ADAM10: variants seen among roughly 807,000 people sequenced by gnomAD.
ADAM10 encodes the protein ADAM metallopeptidase domain 10.
In ADAM10, 17 loss-of-function variants were observed where a neutral mutation model predicts 90.1. That is an observed-to-expected ratio of 0.19 (90% CI 0.13 to 0.28). The LOEUF (loss-of-function observed/expected upper bound fraction) is 0.28, where lower values mean the gene tolerates loss of function less well. ADAM10 is among the 10% of genes least tolerant of loss of function. ADAM10 has a pLI of 1.00. For synonymous variants in ADAM10, 310 were observed against 298.6 expected (o/e 1.04, Z -0.40); for missense variants, 610 against 914.3 (o/e 0.67, Z 4.29).
intron 11 of ADAM10, among the ~76,000 whole-genome samples, chr15:58,613,814 A>C (rs1440869136): frequency 6.6e-6 from 1 of 152,170 alleles, no homozygotes; most frequent in Non-Finnish European, 1.5e-5. Context: ...ATAAATTTTC[A>C]TATTATAAGA....
At position 58,599,595 on chromosome 15, in the gene ADAM10, T is replaced by C; in HGVS notation, c.2152+3A>G. 2 of 1,613,156 alleles carry C rather than the reference T, an allele frequency of 1.2e-6. No individual in the cohort carries two copies. The highest frequency in any genetic ancestry group is 1.7e-6 in the Non-Finnish European group (2 of 1,179,360). ...AATATGTATCTTGCTCAAATATTCTTACCTGGAAGTGGTTTAGGAGGAGGC... is the reference window on the plus strand; with the variant it reads ...AATATGTATCTTGCTCAAATATTCTCACCTGGAAGTGGTTTAGGAGGAGGC... On this transcript the variant is annotated splice_donor_region_variant and intron_variant, in intron 15 of 15. Coordinates refer to ENST00000260408, the MANE Select transcript of ADAM10 (RefSeq NM_001110.4).
intron 5 of ADAM10, among the ~76,000 whole-genome samples, chr15:58,647,553 C>T (rs147957003): frequency 1.0e-3 from 151 of 151,086 alleles, no homozygotes; most frequent in African/African-American, 3.2e-3. Context: ...GCCACCACCC[C>T]CGCCAAGTAT....
Position 58,683,859 on chromosome 15 carries a change from C to CAAAAAA in ADAM10, c.207-1551_207-1546dup, listed in dbSNP as rs71425819. Among the ~76,000 whole-genome samples, 410 of 66,958 alleles carry CAAAAAA rather than the reference C, an allele frequency of 6.1e-3. 1 individual carries two copies. The highest frequency in any genetic ancestry group is 0.014 in the East Asian group (47 of 3,406). 43.9% of individuals were successfully genotyped at this position (66,958 alleles called of 152,430 possible). ...TGGGTGACAAAGTGAGGCTCCATCTCAAAAAAAAAAAAAAAAAAAAAAAAG... is the reference window on the plus strand; with the variant it reads ...TGGGTGACAAAGTGAGGCTCCATCTCAAAAAAAAAAAAAAAAAAAAAAAAAAAAAAG... On this transcript the variant is annotated intron_variant, in intron 2 of 15. Coordinates refer to ENST00000260408, the MANE Select transcript of ADAM10 (RefSeq NM_001110.4).
chr15:58,606,485 C>T (rs16940589), intron 14 of ADAM10, among the ~76,000 whole-genome samples: 40,920 of 152,120 alleles, frequency 0.27, 7,386 homozygotes, highest in African/African-American at 0.5. Context: ...CTGCTTCATT[C>T]ATCTAGCAAA....
At chr15:58,663,483 G>T (rs1897015654) in intron 5 of ADAM10, among the ~76,000 whole-genome samples, 1 of 151,710 alleles carries the variant, frequency 6.6e-6, no homozygotes, top group African/African-American at 2.4e-5. Flanking sequence ...TACCTCCTAG[G>T]GTAAATCCCT....
chr15:58,686,359 C>A (rs1362760206), intron 2 of ADAM10: 8 of 743,410 alleles, frequency 1.1e-5, no homozygotes, highest in Non-Finnish European at 1.6e-5. Context: ...TCAAACCTAT[C>A]CTAATAAAGC....
chr15:58,602,249 A>G (rs150706846), intron 14 of ADAM10, among the ~76,000 whole-genome samples: 26 of 152,172 alleles, frequency 1.7e-4, no homozygotes, highest in Admixed American at 1.1e-3. Context: ...GAAGTTCCAG[A>G]TTTATCCTGT....
chr15:58,738,212 T>A (rs1273374014), intron 1 of ADAM10, among the ~76,000 whole-genome samples: 3 of 152,226 alleles, frequency 2.0e-5, no homozygotes. Flanking sequence ...ATTTCCTTCC[T>A]ACTGAGTCAT....
intron 2 of ADAM10, among the ~76,000 whole-genome samples, chr15:58,697,251 C>T (rs892954585): frequency 6.6e-6 from 1 of 152,172 alleles, no homozygotes; most frequent in Non-Finnish European, 1.5e-5. Flanking sequence ...GACAGACTAC[C>T]CTGCCCACAG....
At chr15:58,599,558 C>T in intron 15 of ADAM10, 40 bp downstream of exon 15, 4 of 1,605,810 alleles carry the variant, frequency 2.5e-6, no homozygotes, top group East Asian at 2.2e-5. Flanking sequence ...CTAAACAATT[C>T]TGAGTTACAT....
chr15:58,685,197 C>G (rs1394896534), intron 2 of ADAM10, among the ~76,000 whole-genome samples: 1 of 148,186 alleles, frequency 6.7e-6, no homozygotes, highest in Non-Finnish European at 1.5e-5. Flanking sequence ...TGCAGTGGCT[C>G]ACGCCTGTAA....
intron 11 of ADAM10, among the ~76,000 whole-genome samples, chr15:58,619,152 A>G (rs1239603192): frequency 6.6e-6 from 1 of 152,220 alleles, no homozygotes; most frequent in Non-Finnish European, 1.5e-5. Flanking sequence ...TTTGGTCACA[A>G]AGAAGAGCAA....
At chr15:58,624,377 A>C (rs1895876744) in intron 10 of ADAM10, among the ~76,000 whole-genome samples, 1 of 152,252 alleles carries the variant, frequency 6.6e-6, no homozygotes, top group African/African-American at 2.4e-5. Flanking sequence ...GTCTAGTAAT[A>C]ATTTTATAAT....
At chr15:58,741,373 C>T (rs917252336) in intron 1 of ADAM10, among the ~76,000 whole-genome samples, 4 of 152,180 alleles carry the variant, frequency 2.6e-5, no homozygotes, top group Non-Finnish European at 1.5e-5. Flanking sequence ...TCTATCTCCA[C>T]TCCAAATTCA....
intron 5 of ADAM10, among the ~76,000 whole-genome samples, chr15:58,655,704 A>AG (rs1490444327): frequency 1.7e-5 from 1 of 58,438 alleles, no homozygotes. Context: ...TAGTATATAT[A>AG]TATATAGTAT....
At chr15:58,649,892 G>C (rs1283953068) in intron 5 of ADAM10, among the ~76,000 whole-genome samples, 1 of 152,024 alleles carries the variant, frequency 6.6e-6, no homozygotes, top group Non-Finnish European at 1.5e-5. Flanking sequence ...CCTCCTTCTA[G>C]GACATCAATT....
chr15:58,641,883 G>C (rs1034712519), intron 7 of ADAM10, among the ~76,000 whole-genome samples: 9 of 152,158 alleles, frequency 5.9e-5, no homozygotes, highest in Admixed American at 3.3e-4. Flanking sequence ...AAGAGCTACA[G>C]GTCTCTTTAT....
Position 58,591,005 on chromosome 15 carries a change from A to C in ADAM10, c.*6542T>G, listed in dbSNP as rs1894813079. 2.0e-5 allele frequency: 3 copies of C among 152,338 alleles called. No individual in the cohort carries two copies. Among genetic ancestry groups the C allele is most frequent in the East Asian group, 3.9e-4 (2 of 5,188 alleles). 9.4% of individuals were successfully genotyped at this position (152,338 alleles called of 1,614,324 possible). ...TAAACAAGAGAGGGCAGAAGAATCTAGTTTATTGTAGTGAGCTACTTAACA... is the reference window on the plus strand; with the variant it reads ...TAAACAAGAGAGGGCAGAAGAATCTCGTTTATTGTAGTGAGCTACTTAACA... On this transcript the variant is annotated 3_prime_UTR_variant, in exon 16 of 16. Coordinates refer to ENST00000260408, the MANE Select transcript of ADAM10 (RefSeq NM_001110.4).
intron 1 of ADAM10, among the ~76,000 whole-genome samples, chr15:58,736,477 G>T (rs1441185608): frequency 1.3e-5 from 2 of 151,964 alleles, no homozygotes; most frequent in African/African-American, 4.8e-5. Flanking sequence ...AGCCCCATGG[G>T]AAATTTGAAC....
Sources: gnomAD v4.1 joint callset for allele counts (sites outside exome capture counted in the v4.1 genomes callset) on GRCh38, gnomAD v4.1.1 for gene constraint, MANE v1.5 for transcripts, NCBI Gene and HGNC (gene_info 2026-07-23, HGNC 2026-07-21) for gene names.